Variants in BTBD8 observed in about 807,000 individuals in gnomAD.
BTBD8 encodes BTB/POZ domain-containing protein 8.
In BTBD8, 110 loss-of-function variants were observed where a neutral mutation model predicts 162.9. That is an observed-to-expected ratio of 0.68 (90% CI 0.58 to 0.79). BTBD8 has a LOEUF of 0.79. Among genes scored for constraint, BTBD8 ranks in the 30% least tolerant of loss-of-function variants. The pLI is 0.00. For synonymous variants in BTBD8, 667 were observed against 716.1 expected (o/e 0.93, Z 1.10); for missense variants, 1,905 against 2,085.4 (o/e 0.91, Z 1.68).
chr1:92,160,225 A>G (rs962657574), intron 9 of BTBD8, among the ~76,000 whole-genome samples: 11 of 152,024 alleles, frequency 7.2e-5, no homozygotes, highest in African/African-American at 2.7e-4. Context: ...GGCACTTTTT[A>G]AATATTGTCT....
intron 4 of BTBD8, among the ~76,000 whole-genome samples, chr1:92,112,731 A>G (rs1180970313): frequency 1.3e-5 from 2 of 152,212 alleles, no homozygotes; most frequent in Admixed American, 1.3e-4. Flanking sequence ...GAGAAGGTTA[A>G]CTTTGCTTTT....
Position 92,180,815 on chromosome 1 carries a change from A to C in BTBD8, c.3132A>C (p.Ser1044=), listed in dbSNP as rs1348289319. 2 of 1,551,552 alleles carry C rather than the reference A, an allele frequency of 1.3e-6. No individual in the cohort carries two copies. The highest frequency in any genetic ancestry group is 2.0e-5 in the Admixed American group (1 of 50,962). The change falls in exon 17 of 18, where the codon TCA becomes TCC. Residue 1044 remains serine (S), a synonymous_variant. Coordinates refer to ENST00000636805, the MANE Select transcript of BTBD8 (RefSeq NM_001376131.1). ...AATCATTAAAACACGAACTGGAATC[A>C]AAACAGATTTGTTTAGATAAAAGTG... is the stretch of plus-strand genomic sequence containing the variant. ...LDKSLKHELE[S]KQICLDKSET...
At chr1:92,167,501 T>A (rs10747503) in intron 10 of BTBD8, among the ~76,000 whole-genome samples, 1 of 152,068 alleles carries the variant, frequency 6.6e-6, no homozygotes, top group African/African-American at 2.4e-5. Flanking sequence ...GAAGCTACTT[T>A]CTCTAAAATT....
intron 2 of BTBD8, among the ~76,000 whole-genome samples, chr1:92,100,068 G>T (rs1015817438): frequency 1.3e-5 from 2 of 152,130 alleles, no homozygotes; most frequent in Admixed American, 1.3e-4. Flanking sequence ...TCATGACAGC[G>T]TGTTGGGCTT....
intron 6 of BTBD8, chr1:92,139,642 A>T: frequency 1.0e-6 from 1 of 974,186 alleles, no homozygotes; most frequent in Non-Finnish European, 1.3e-6. Context: ...TAAGATTGAG[A>T]ACAGTCTTTA....
chr1:92,166,336 G>A (rs1650384539), intron 9 of BTBD8, among the ~76,000 whole-genome samples: 1 of 151,626 alleles, frequency 6.6e-6, no homozygotes, highest in South Asian at 2.1e-4. Context: ...AATTAATTTA[G>A]TAGTGATAAT....
chr1:92,129,740 G>T lies in BTBD8; in HGVS notation c.716G>T (p.Trp239Leu). 1 of 1,614,090 alleles carries T rather than the reference G, an allele frequency of 6.2e-7. No homozygotes were observed. Among genetic ancestry groups the T allele is most frequent in the South Asian group, 1.1e-5 (1 of 91,078 alleles). Residue 239 changes from tryptophan (W) to leucine (L), a missense_variant, in exon 5 of 18, where the codon TGG becomes TTG. Physicochemically the swap from Trp to Leu is moderately conservative, Grantham distance 61. Around this residue, in one of 3 missense-constraint regions of BTBD8, gnomAD observed 1,374 missense variants for 1,442.7 expected, o/e 0.95. Transcript: ENST00000636805. ...SYFAAMLSGC[W>L]AESSQEYVTL... is the part of the protein sequence containing the mutation. ...TTTGCTGCAATGCTGAGTGGCTGTT[G>T]GGCTGAAAGCTCCCAAGAGTACGTT...
chr1:92,119,287 CTTTTTTTTTT>C lies in BTBD8; in HGVS notation c.663-10393_663-10384del, dbSNP rs905843721. On this transcript the variant is annotated intron_variant, in intron 4 of 17. Coordinates refer to ENST00000636805, the MANE Select transcript of BTBD8 (RefSeq NM_001376131.1). ...GCTGTACAAATTTTTTTCTTTTTTT[CTTTTTTTTTT>C]TTTTTTGAGACAGGGTCTTGCTCTG... Among the ~76,000 whole-genome samples the C allele has an allele frequency of 2.0e-3, 270 of 132,852 alleles. 8 individuals carry two copies. Among genetic ancestry groups the C allele is most frequent in the African/African-American group, 7.0e-3 (247 of 35,438 alleles). The allele number at this position is 132,852 out of a possible 152,430, so 87.2% of individuals were successfully genotyped here.
intron 13 of BTBD8, among the ~76,000 whole-genome samples, chr1:92,171,867 G>T (rs1650555190): frequency 6.6e-6 from 1 of 152,164 alleles, no homozygotes; most frequent in Admixed American, 6.5e-5. Context: ...GAGGCGGATG[G>T]ATCACCTGAG....
chr1:92,177,538 C>G lies in BTBD8; in HGVS notation c.2345C>G (p.Ser782Cys). 1 of 1,530,100 alleles carries G rather than the reference C, an allele frequency of 6.5e-7. No homozygotes were observed. The highest frequency in any genetic ancestry group is 8.8e-7 in the Non-Finnish European group (1 of 1,136,518). 94.8% of individuals were successfully genotyped at this position (1,530,100 alleles called of 1,614,324 possible). A position where few individuals can be genotyped will look rare whatever the true frequency, so the allele number is the denominator to read the frequency against. ...MKNSVDSVKN[S>C]TVAIKSRPVS... ...AACAGTGTAGATAGTGTCAAAAATT[C>G]CACTGTAGGTGGGTTTTAGCACTGT... Residue 782 changes from serine (S) to cysteine (C), a missense_variant, in exon 14 of 18, where the codon TCC becomes TGC. Around this residue, in one of 3 missense-constraint regions of BTBD8, gnomAD observed 1,374 missense variants for 1,442.7 expected, o/e 0.95. Coordinates refer to ENST00000636805, the MANE Select transcript of BTBD8 (RefSeq NM_001376131.1).
At chr1:92,166,427 T>TC (rs1300124632) in intron 9 of BTBD8, among the ~76,000 whole-genome samples, 17 of 144,312 alleles carry the variant, frequency 1.2e-4, no homozygotes, top group African/African-American at 1.8e-4. Flanking sequence ...TTTCTTTCTT[T>TC]TTTTTTTTTT....
chr1:92,141,113 A>G lies in BTBD8; in HGVS notation c.834-2A>G. ...TTAACAGTGCATCTATTTTTATTTT[A>G]GTCAGATACTCAATATGGCTGATAT... On this transcript the variant is annotated splice_acceptor_variant, in intron 6 of 17. Transcript: ENST00000636805. LOFTEE classifies it high-confidence loss of function. 2.6e-6 allele frequency: 4 copies of G among 1,543,940 alleles called. No homozygotes were observed. The highest frequency in any genetic ancestry group is 3.5e-6 in the Non-Finnish European group (4 of 1,148,336).
chr1:92,134,458 G>C (rs1037685228), intron 5 of BTBD8, among the ~76,000 whole-genome samples: 3 of 152,080 alleles, frequency 2.0e-5, no homozygotes, highest in Non-Finnish European at 4.4e-5. Context: ...CCTGCATCAG[G>C]GCCTTTGTTT....
At chr1:92,137,425 G>C (rs1649660229) in intron 5 of BTBD8, among the ~76,000 whole-genome samples, 1 of 152,134 alleles carries the variant, frequency 6.6e-6, no homozygotes, top group Admixed American at 6.6e-5. Context: ...AGAGGAAATA[G>C]AGAGCAGAGG....
chr1:92,180,945 A>G lies in BTBD8; in HGVS notation c.3262A>G (p.Thr1088Ala), dbSNP rs1160059276. 1.3e-6 allele frequency: 2 copies of G among 1,551,498 alleles called. No homozygotes were observed. Among genetic ancestry groups the G allele is most frequent in the South Asian group, 1.2e-5 (1 of 84,070 alleles). Residue 1088 changes from threonine (T) to alanine (A), a missense_variant, in exon 17 of 18, where the codon ACA (threonine) becomes GCA (alanine). By Grantham distance (58) the Thr-to-Ala change is moderately conservative. Around this residue, in one of 3 missense-constraint regions of BTBD8, gnomAD observed 1,374 missense variants for 1,442.7 expected, o/e 0.95. Transcript: ENST00000636805. Reference protein sequence around the residue: ...DNVNSKFYSTTALKYMVSNPN... With the variant: ...DNVNSKFYSTAALKYMVSNPN... ...TGTAAATTCAAAATTTTATAGCACCACAGCCCTAAAATACATGGTTTCAAA... is the reference window on the plus strand; with the variant it reads ...TGTAAATTCAAAATTTTATAGCACCGCAGCCCTAAAATACATGGTTTCAAA...
At chr1:92,143,969 CTTTTTT>C (rs935357789) in intron 7 of BTBD8, among the ~76,000 whole-genome samples, 6 of 103,214 alleles carry the variant, frequency 5.8e-5, no homozygotes, top group African/African-American at 2.2e-4. Context: ...ACTTTTAGTT[CTTTTTT>C]TTTTTTTTTT....
At chr1:92,154,874 C>T (rs1361295237) in intron 9 of BTBD8, among the ~76,000 whole-genome samples, 1 of 152,148 alleles carries the variant, frequency 6.6e-6, no homozygotes, top group Non-Finnish European at 1.5e-5. Context: ...AAGCTTTCTT[C>T]TAGGAGTTTT....
Position 92,182,017 on chromosome 1 carries a change from G to A in BTBD8, c.4334G>A (p.Cys1445Tyr). 6.4e-7 allele frequency: 1 copy of A among 1,551,472 alleles called. No homozygotes were observed. The highest frequency in any genetic ancestry group is 8.7e-7 in the Non-Finnish European group (1 of 1,146,858). The change falls in exon 17 of 18, where the codon TGT becomes TAT. Residue 1445 changes from cysteine (C) to tyrosine (Y), a missense_variant. Transcript: ENST00000636805. Reference protein sequence around the residue: ...KRSVLLSVDECEELGSDEGEV... With the variant: ...KRSVLLSVDEYEELGSDEGEV... Reference sequence around the variant, plus strand: ...TCAGTTTTACTTTCAGTCGATGAATGTGAAGAGCTGGGATCAGATGAAGGA... The same window carrying A: ...TCAGTTTTACTTTCAGTCGATGAATATGAAGAGCTGGGATCAGATGAAGGA...
chr1:92,168,101 G>A (rs1429734728), intron 11 of BTBD8, 116 bp downstream of exon 11: 1 of 752,810 alleles, frequency 1.3e-6, no homozygotes, highest in South Asian at 4.4e-5. Flanking sequence ...ATACCTAGGG[G>A]TGGATTAAGG....
Sources: gnomAD v4.1 joint callset for allele counts (sites outside exome capture counted in the v4.1 genomes callset) on GRCh38, gnomAD v4.1.1 for gene constraint, gnomAD v4.1.1 regional missense constraint, MANE v1.5 for transcripts, NCBI Gene and HGNC (gene_info 2026-07-23, HGNC 2026-07-21) for gene names.